Variants in TAFA1 observed in about 807,000 individuals in gnomAD.
TAFA1 encodes the protein chemokine-like protein TAFA-1.
In TAFA1, 4 loss-of-function variants were observed where a neutral mutation model predicts 18.5. That is an observed-to-expected ratio of 0.22 (90% CI 0.11 to 0.49). TAFA1 has a LOEUF of 0.49. Among genes scored for constraint, TAFA1 ranks in the 20% least tolerant of loss-of-function variants. The pLI is 0.98. For missense variants in TAFA1, 147 were observed against 169.0 expected, an observed-to-expected ratio of 0.87 and a Z score of 0.72; for synonymous variants, 56 against 55.2, an observed-to-expected ratio of 1.01 and a Z score of -0.06.
At chr3:68,359,835 A>G (rs1312244433) in intron 2 of TAFA1, among the ~76,000 whole-genome samples, 1 of 152,010 alleles carries the variant, frequency 6.6e-6, no homozygotes, top group Non-Finnish European at 1.5e-5. Flanking sequence ...TTTTTCCATT[A>G]GACGAACCAC....
intron 2 of TAFA1, among the ~76,000 whole-genome samples, chr3:68,176,332 A>G (rs1470199208): frequency 1.3e-5 from 2 of 152,104 alleles, no homozygotes; most frequent in Non-Finnish European, 2.9e-5. Flanking sequence ...AATTGAAAAA[A>G]CTAGGTGAGC....
upstream of TAFA1, among the ~76,000 whole-genome samples, chr3:68,000,014 C>T (rs889676568): frequency 1.3e-5 from 2 of 152,150 alleles, no homozygotes; most frequent in East Asian, 1.9e-4. Flanking sequence ...GTCTTGAACT[C>T]CTGACCTCAG....
intron 2 of TAFA1, among the ~76,000 whole-genome samples, chr3:68,178,779 C>T (rs1247235739): frequency 1.3e-5 from 2 of 152,144 alleles, no homozygotes; most frequent in Non-Finnish European, 2.9e-5. Context: ...TTGTTATCCA[C>T]GTAAGGAGTT....
intron 2 of TAFA1, among the ~76,000 whole-genome samples, chr3:68,065,099 T>C (rs2064656820): frequency 6.6e-6 from 1 of 152,082 alleles, no homozygotes; most frequent in South Asian, 2.1e-4. Context: ...GTGTCATCTG[T>C]TATCTAAATT....
chr3:68,517,959 C>T (rs965203540), intron 3 of TAFA1, among the ~76,000 whole-genome samples: 3 of 152,116 alleles, frequency 2.0e-5, no homozygotes, highest in Non-Finnish European at 2.9e-5. Flanking sequence ...CACACACACT[C>T]GCACACTTTT....
chr3:68,452,005 A>G (rs1371789176), intron 3 of TAFA1, among the ~76,000 whole-genome samples: 1 of 152,142 alleles, frequency 6.6e-6, no homozygotes, highest in Admixed American at 6.5e-5. Flanking sequence ...TGGATTTCTG[A>G]GGGAGGTGTT....
chr3:68,341,536 T>G (rs2069083678), intron 2 of TAFA1, among the ~76,000 whole-genome samples: 1 of 152,174 alleles, frequency 6.6e-6, no homozygotes, highest in South Asian at 2.1e-4. Context: ...TGTAGTTAAT[T>G]TGTTAGTCGT....
intron 3 of TAFA1, among the ~76,000 whole-genome samples, chr3:68,425,237 C>T (rs935064262): frequency 1.3e-5 from 2 of 151,930 alleles, no homozygotes; most frequent in Non-Finnish European, 2.9e-5. Context: ...TACTTGTCAT[C>T]CACACACGAT....
intron 2 of TAFA1, among the ~76,000 whole-genome samples, chr3:68,202,781 T>C (rs1180240600): frequency 2.6e-5 from 4 of 151,868 alleles, no homozygotes; most frequent in Non-Finnish European, 3.0e-5. Flanking sequence ...TATATGGTAA[T>C]ATGAGCATAT....
At chr3:68,157,820 C>T (rs891303360) in intron 2 of TAFA1, among the ~76,000 whole-genome samples, 5 of 152,120 alleles carry the variant, frequency 3.3e-5, no homozygotes, top group Non-Finnish European at 7.3e-5. Flanking sequence ...ACAGATATCA[C>T]CTTTGGCTTT....
chr3:68,016,026 G>A (rs1704563091), intron 2 of TAFA1, among the ~76,000 whole-genome samples: 1 of 152,190 alleles, frequency 6.6e-6, no homozygotes, highest in South Asian at 2.1e-4. Flanking sequence ...GTGTTGTCTT[G>A]AGTTATTAGT....
chr3:68,238,712 A>G (rs551013121), intron 2 of TAFA1, among the ~76,000 whole-genome samples: 9 of 152,332 alleles, frequency 5.9e-5, no homozygotes, highest in African/African-American at 1.9e-4. Context: ...ATATCTTAAC[A>G]GAAACATGGA....
At chr3:68,452,068 G>A (rs2071574114) in intron 3 of TAFA1, among the ~76,000 whole-genome samples, 1 of 152,108 alleles carries the variant, frequency 6.6e-6, no homozygotes, top group Non-Finnish European at 1.5e-5. Context: ...GGATGGCTGG[G>A]AGAAAACAAA....
chr3:68,165,581 C>A (rs1447978006), intron 2 of TAFA1, among the ~76,000 whole-genome samples: 2 of 152,248 alleles, frequency 1.3e-5, no homozygotes, highest in African/African-American at 4.8e-5. Context: ...CTTCTACTCT[C>A]AAATTGCCTA....
At chr3:68,543,376 T>C (rs185252707) in intron 4 of TAFA1, among the ~76,000 whole-genome samples, 20 of 152,288 alleles carry the variant, frequency 1.3e-4, no homozygotes. Flanking sequence ...TGTCATATCT[T>C]GGGAAGCAGC....
At position 68,225,939 on chromosome 3, in the gene TAFA1, T is replaced by A. The variant is rs143789993; in HGVS notation, c.119-191341T>A. Among the ~76,000 whole-genome samples, 761 of 152,018 alleles carry A rather than the reference T, an allele frequency of 5.0e-3. 9 individuals carry two copies. Among genetic ancestry groups the A allele is most frequent in the Middle Eastern group, 0.031 (9 of 294 alleles). ...TTTGAAAACCATCAATATGGAGAGATAAGATTTTGTTATACATAAATTTAT... is the reference window on the plus strand; with the variant it reads ...TTTGAAAACCATCAATATGGAGAGAAAAGATTTTGTTATACATAAATTTAT... On this transcript the variant is annotated intron_variant, in intron 2 of 4. Transcript: ENST00000478136.
chr3:68,065,349 C>G (rs1377294039), intron 2 of TAFA1, among the ~76,000 whole-genome samples: 5 of 152,028 alleles, frequency 3.3e-5, no homozygotes, highest in Non-Finnish European at 7.4e-5. Context: ...AGTCTGTGAT[C>G]TTTGAGGTCT....
chr3:68,378,743 G>A (rs2069870132), intron 2 of TAFA1, among the ~76,000 whole-genome samples: 1 of 152,076 alleles, frequency 6.6e-6, no homozygotes, highest in South Asian at 2.1e-4. Context: ...TGGATCGTGG[G>A]AGAGGTTTTC....
chr3:68,264,661 G>GTCAATGAAAGCCTTTA (rs1559587640), intron 2 of TAFA1, among the ~76,000 whole-genome samples: 5 of 150,920 alleles, frequency 3.3e-5, no homozygotes, highest in African/African-American at 1.2e-4. Context: ...GCTTAACACA[G>GTCAATGAAAGCCTTTA]TCAATGAAAG....
Sources: gnomAD v4.1 joint callset for allele counts (sites outside exome capture counted in the v4.1 genomes callset) on GRCh38, gnomAD v4.1.1 for gene constraint, MANE v1.5 for transcripts, NCBI Gene and HGNC (gene_info 2026-07-23, HGNC 2026-07-21) for gene names.